Variants in GRM7 observed in about 807,000 individuals in gnomAD.
GRM7 encodes the protein metabotropic glutamate receptor 7.
A neutral mutation model predicts 84.5 loss-of-function variants in GRM7; 35 were observed. That is an observed-to-expected ratio of 0.41 (90% CI 0.32 to 0.55). GRM7 has a LOEUF of 0.55. GRM7 is among the 20% of genes least tolerant of loss of function. The pLI is 0.19. For synonymous variants in GRM7, 487 were observed against 455.1 expected (o/e 1.07, Z -0.89); for missense variants, 1,003 against 1,194.6 (o/e 0.84, Z 2.36).
chr3:6,919,755 A>G (rs1575014568), intron 1 of GRM7, among the ~76,000 whole-genome samples: 1 of 152,152 alleles, frequency 6.6e-6, no homozygotes, highest in African/African-American at 2.4e-5. Flanking sequence ...TAACTATCGA[A>G]GATTCTAAAT....
At chr3:6,877,246 G>A (rs1480543302) in intron 1 of GRM7, among the ~76,000 whole-genome samples, 1 of 152,106 alleles carries the variant, frequency 6.6e-6, no homozygotes, top group African/African-American at 2.4e-5. Context: ...CTATACGGAG[G>A]GGTTTGATGC....
intron 1 of GRM7, among the ~76,000 whole-genome samples, chr3:7,053,669 T>G (rs1247256227): frequency 1.3e-5 from 2 of 151,676 alleles, no homozygotes; most frequent in Admixed American, 1.3e-4. Context: ...TAAAATGAAT[T>G]GACCTTGTAT....
chr3:7,712,605 G>C (rs1422392666), intron 9 of GRM7, among the ~76,000 whole-genome samples: 2 of 151,396 alleles, frequency 1.3e-5, no homozygotes, highest in African/African-American at 4.9e-5. Context: ...CCTTTGTTAA[G>C]TATTTGGTTT....
intron 4 of GRM7, among the ~76,000 whole-genome samples, chr3:7,318,773 A>G (rs957321600): frequency 2.0e-5 from 3 of 152,034 alleles, no homozygotes; most frequent in Non-Finnish European, 2.9e-5. Flanking sequence ...TCCTTAGTCA[A>G]TTGTAAAAGG....
intron 4 of GRM7, among the ~76,000 whole-genome samples, chr3:7,324,374 A>G (rs1700902095): frequency 6.6e-6 from 1 of 152,172 alleles, no homozygotes; most frequent in Non-Finnish European, 1.5e-5. Context: ...CCTCACGGGG[A>G]ACTTCAGTCA....
At chr3:6,898,208 C>T (rs1020783006) in intron 1 of GRM7, among the ~76,000 whole-genome samples, 16 of 152,216 alleles carry the variant, frequency 1.1e-4, no homozygotes, top group African/African-American at 3.6e-4. Flanking sequence ...ATGTGATGGC[C>T]ATTACAGAAA....
chr3:7,103,749 C>CCTTTCTTT lies in GRM7; in HGVS notation c.520-42640_520-42633dup, dbSNP rs55840104. Among the ~76,000 whole-genome samples the CCTTTCTTT allele has an allele frequency of 8.1e-3, 779 of 96,662 alleles. 10 individuals carry two copies. The highest frequency in any genetic ancestry group is 0.02 in the Middle Eastern group (4 of 198). The allele number at this position is 96,662 out of a possible 152,430, so 63.4% of individuals were successfully genotyped here. ...CTCTCTTTTTCTCTTTCTCTCTCTC[C>CCTTTCTTT]CTTTCTTTCTTTCTTTCTTTCTTTC... On this transcript the variant is annotated intron_variant, in intron 1 of 9. Coordinates refer to ENST00000357716, the MANE Select transcript of GRM7 (RefSeq NM_000844.4).
intron 4 of GRM7, among the ~76,000 whole-genome samples, chr3:7,321,954 G>T (rs537784085): frequency 2.6e-5 from 4 of 152,196 alleles, no homozygotes; most frequent in East Asian, 3.9e-4. Flanking sequence ...ACATCAGTGT[G>T]AATGGCCTCT....
chr3:7,623,852 T>A (rs1697480718), intron 8 of GRM7, among the ~76,000 whole-genome samples: 1 of 152,192 alleles, frequency 6.6e-6, no homozygotes, highest in African/African-American at 2.4e-5. Context: ...GACAGGAGTT[T>A]ATTCTACAGA....
intron 3 of GRM7, among the ~76,000 whole-genome samples, chr3:7,300,904 ATAAC>A: frequency 6.6e-6 from 1 of 152,208 alleles, no homozygotes; most frequent in Non-Finnish European, 1.5e-5. Context: ...TGTACTGTCA[ATAAC>A]TATTATAGGG....
At position 7,656,543 on chromosome 3, in the gene GRM7, GCGCGCACA is replaced by G. The variant is rs1334635348; in HGVS notation, c.2452-23504_2452-23497del. On this transcript the variant is annotated intron_variant, in intron 8 of 9. Coordinates refer to ENST00000357716, the MANE Select transcript of GRM7 (RefSeq NM_000844.4). The stretch of plus-strand genomic sequence containing the variant: ...AAAAAATATATATATATATATACGC[GCGCGCACA>G]CACACACACACACACACACACACAC... Among the ~76,000 whole-genome samples the G allele has an allele frequency of 4.0e-3, 482 of 119,958 alleles. 1 individual carries two copies. Among genetic ancestry groups the G allele is most frequent in the African/African-American group, 0.012 (430 of 34,768 alleles). 78.7% of individuals were successfully genotyped at this position (119,958 alleles called of 152,430 possible). A position where few individuals can be genotyped will look rare whatever the true frequency, so the allele number is the denominator to read the frequency against.
At chr3:7,631,363 A>G (rs1472652286) in intron 8 of GRM7, among the ~76,000 whole-genome samples, 2 of 121,530 alleles carry the variant, frequency 1.6e-5, no homozygotes, top group African/African-American at 6.4e-5. Context: ...AAGGATGTTT[A>G]TTTCAACAGA....
At chr3:7,109,782 T>A (rs1189155113) in intron 1 of GRM7, among the ~76,000 whole-genome samples, 3 of 152,118 alleles carry the variant, frequency 2.0e-5, no homozygotes, top group Non-Finnish European at 4.4e-5. Context: ...GTGCAGGTAA[T>A]ACCAATTTAG....
At chr3:7,553,876 T>G (rs984378178) in intron 7 of GRM7, among the ~76,000 whole-genome samples, 2 of 152,232 alleles carry the variant, frequency 1.3e-5, no homozygotes, top group African/African-American at 4.8e-5. Flanking sequence ...CTAGGAAATC[T>G]TTCTTTTCAT....
At chr3:7,391,278 T>G (rs1694982342) in intron 4 of GRM7, among the ~76,000 whole-genome samples, 1 of 152,184 alleles carries the variant, frequency 6.6e-6, no homozygotes, top group South Asian at 2.1e-4. Flanking sequence ...ATTGCAGCAT[T>G]ATTCACAATA....
chr3:6,991,904 G>A (rs965428398), intron 1 of GRM7, among the ~76,000 whole-genome samples: 26 of 151,682 alleles, frequency 1.7e-4, no homozygotes, highest in Admixed American at 1.6e-3. Context: ...CCAAAATTTT[G>A]TACCCTTTGA....
At chr3:7,041,048 C>T (rs369005577) in intron 1 of GRM7, among the ~76,000 whole-genome samples, 2 of 149,344 alleles carry the variant, frequency 1.3e-5, no homozygotes, top group East Asian at 3.9e-4. Flanking sequence ...CCACTGCACT[C>T]CAGCCTGGGT....
chr3:7,361,801 G>C (rs746073742), intron 4 of GRM7, among the ~76,000 whole-genome samples: 1 of 152,136 alleles, frequency 6.6e-6, no homozygotes, highest in African/African-American at 2.4e-5. Context: ...TCTTCTGGCT[G>C]CTGATGCATT....
At chr3:7,237,959 G>C (rs1697408013) in intron 2 of GRM7, among the ~76,000 whole-genome samples, 1 of 152,168 alleles carries the variant, frequency 6.6e-6, no homozygotes, top group African/African-American at 2.4e-5. Context: ...GCTAGACACA[G>C]AGTGCTGATT....
Sources: allele counts gnomAD v4.1 joint callset (sites outside exome capture counted in the v4.1 genomes callset), GRCh38; gene constraint gnomAD v4.1.1; transcripts MANE v1.5; gene names NCBI Gene and HGNC (gene_info 2026-07-23, HGNC 2026-07-21).